Variants in MAML3 observed in about 807,000 individuals in gnomAD.
The protein encoded by MAML3 is mastermind-like protein 3.
MAML3 carries 27 observed loss-of-function variants against 101.9 expected under a neutral mutation model. The ratio of observed to expected loss-of-function variants is 0.27; its 90% CI spans 0.20 to 0.37. The LOEUF (loss-of-function observed/expected upper bound fraction) is 0.37. MAML3 is among the 10% of genes least tolerant of loss of function. MAML3 has a pLI of 1.00. For missense variants in MAML3, 1,316 were observed against 1,444.9 expected (o/e 0.91, Z 1.45); for synonymous variants, 501 against 555.9 (o/e 0.90, Z 1.39).
chr4:140,019,737 A>G (rs1726702868), intron 1 of MAML3, among the ~76,000 whole-genome samples: 1 of 152,206 alleles, frequency 6.6e-6, no homozygotes, highest in African/African-American at 2.4e-5. Flanking sequence ...TTTCACAAAG[A>G]CTGCAAGGTC....
At chr4:139,747,782 G>T (rs999427399) in intron 2 of MAML3, among the ~76,000 whole-genome samples, 2 of 151,494 alleles carry the variant, frequency 1.3e-5, no homozygotes. Flanking sequence ...GGCTGGGCGT[G>T]GTGGCTCATG....
intron 1 of MAML3, among the ~76,000 whole-genome samples, chr4:140,147,969 T>C (rs559607524): frequency 3.9e-5 from 6 of 152,162 alleles, no homozygotes; most frequent in Middle Eastern, 3.2e-3. Flanking sequence ...ATGCCTTATA[T>C]TCCTATCTCA....
At chr4:140,057,263 G>A (rs1048990657) in intron 1 of MAML3, among the ~76,000 whole-genome samples, 4 of 152,108 alleles carry the variant, frequency 2.6e-5, no homozygotes, top group African/African-American at 4.8e-5. Flanking sequence ...ACGAGATCTT[G>A]TCTCTATTAT....
chr4:139,828,580 C>T (rs141991517), intron 2 of MAML3, among the ~76,000 whole-genome samples: 86 of 152,182 alleles, frequency 5.7e-4, no homozygotes, highest in African/African-American at 1.9e-3. Flanking sequence ...AGTCTAGAGA[C>T]GCCAAGCAAA....
intron 2 of MAML3, among the ~76,000 whole-genome samples, chr4:139,887,536 CA>C (rs367979244): frequency 1.1e-4 from 16 of 152,296 alleles, no homozygotes; most frequent in African/African-American, 3.8e-4. Flanking sequence ...ATAAGGACCT[CA>C]AAGAAGTACC....
intron 2 of MAML3, among the ~76,000 whole-genome samples, chr4:139,854,943 C>T (rs565783156): frequency 6.6e-6 from 1 of 152,304 alleles, no homozygotes; most frequent in South Asian, 2.1e-4. Context: ...CAACTCCCCG[C>T]CACAGCCTCC....
At chr4:139,730,305 C>G in intron 3 of MAML3, 111 bp downstream of exon 3, 1 of 933,484 alleles carries the variant, frequency 1.1e-6, no homozygotes, top group Non-Finnish European at 1.6e-6. Context: ...AATGCTAGAC[C>G]GTGAGCATCT....
At chr4:140,090,062 G>C (rs765817507) in intron 1 of MAML3, among the ~76,000 whole-genome samples, 2 of 152,224 alleles carry the variant, frequency 1.3e-5, no homozygotes, top group Non-Finnish European at 2.9e-5. Flanking sequence ...CATCTTTGAT[G>C]ACATAATAGC....
At chr4:140,114,889 A>G (rs1467427801) in intron 1 of MAML3, among the ~76,000 whole-genome samples, 2 of 152,222 alleles carry the variant, frequency 1.3e-5, no homozygotes, top group Non-Finnish European at 1.5e-5. Context: ...AATAATCCCT[A>G]ATATCATCAA....
At chr4:139,790,216 C>CATATATATATATATATATATATATAT (rs367675413) in intron 2 of MAML3, among the ~76,000 whole-genome samples, 18 of 110,220 alleles carry the variant, frequency 1.6e-4, no homozygotes, top group African/African-American at 5.9e-4. Flanking sequence ...ACCCTAGTGA[C>CATATATATATATATATATATATATAT]ATATATATAT....
At chr4:139,757,701 C>G (rs535567346) in intron 2 of MAML3, among the ~76,000 whole-genome samples, 1 of 151,918 alleles carries the variant, frequency 6.6e-6, no homozygotes, top group African/African-American at 2.4e-5. Flanking sequence ...TCATGACCCA[C>G]CTCTCCAGCC....
At chr4:140,096,889 A>G (rs1252980023) in intron 1 of MAML3, among the ~76,000 whole-genome samples, 2 of 55,826 alleles carry the variant, frequency 3.6e-5, no homozygotes, top group African/African-American at 9.3e-5. Flanking sequence ...GATGATTTCT[A>G]TCAAGGTGAT....
chr4:140,123,098 T>G (rs892322471), intron 1 of MAML3, among the ~76,000 whole-genome samples: 6 of 151,602 alleles, frequency 4.0e-5, no homozygotes, highest in African/African-American at 9.7e-5. Flanking sequence ...TGCGGTTTTT[T>G]TTTTTTTTTT....
intron 1 of MAML3, among the ~76,000 whole-genome samples, chr4:139,994,454 C>T (rs959319427): frequency 6.6e-6 from 1 of 152,106 alleles, no homozygotes; most frequent in African/African-American, 2.4e-5. Context: ...TGCTTGAGGC[C>T]AGGAGGTTGA....
rs188963487 is a variant in MAML3 at position 139,860,186 on chromosome 4, G to A, written c.2079+29171C>T. On this transcript the variant is annotated intron_variant, in intron 2 of 4. Coordinates refer to ENST00000509479, the MANE Select transcript of MAML3 (RefSeq NM_018717.5). ...TCCCAAGCCGCAGAGGCGTGGAAAC[G>A]CCGTGGGGTCGGAGTCGCTTCCATG... Among the ~76,000 whole-genome samples the A allele has an allele frequency of 5.3e-5, 8 of 152,376 alleles. No individual in the cohort carries two copies. In the East Asian group the frequency reaches 1.2e-3, roughly 22 times the overall value.
chr4:140,031,338 T>A (rs1197016970), intron 1 of MAML3, among the ~76,000 whole-genome samples: 1 of 152,204 alleles, frequency 6.6e-6, no homozygotes, highest in African/African-American at 2.4e-5. Context: ...GCTGAGATTT[T>A]GTGTGTATAA....
chr4:140,101,786 T>C (rs1728255947), intron 1 of MAML3, among the ~76,000 whole-genome samples: 2 of 152,092 alleles, frequency 1.3e-5, no homozygotes, highest in African/African-American at 2.4e-5. Context: ...TGCAAATATG[T>C]TATTCCACTA....
intron 4 of MAML3, among the ~76,000 whole-genome samples, chr4:139,725,447 A>T (rs1381203235): frequency 6.6e-6 from 1 of 152,178 alleles, no homozygotes; most frequent in Non-Finnish European, 1.5e-5. Context: ...TTAAACTATT[A>T]CAATACTATG....
At chr4:139,860,128 C>T (rs1731747422) in intron 2 of MAML3, among the ~76,000 whole-genome samples, 1 of 152,232 alleles carries the variant, frequency 6.6e-6, no homozygotes, top group African/African-American at 2.4e-5. Flanking sequence ...ACTCGAAAAC[C>T]CACAGCCTGA....
Sources: gnomAD v4.1 joint callset for allele counts (sites outside exome capture counted in the v4.1 genomes callset) on GRCh38, gnomAD v4.1.1 for gene constraint, MANE v1.5 for transcripts, NCBI Gene and HGNC (gene_info 2026-07-23, HGNC 2026-07-21) for gene names.